SLC35D4: variants seen among roughly 807,000 people sequenced by gnomAD.
The protein encoded by SLC35D4 is solute carrier family 35 member D4.
At chr18:23,248,538 T>TTTTTTTTA in the SLC35D4 span, among the ~76,000 whole-genome samples, 8 of 93,602 alleles carry the variant, frequency 8.5e-5, no homozygotes, top group African/African-American at 2.1e-4. Context: ...TTTTTTTTTT[T>TTTTTTTTA]AAAAAAAGGC....
chr18:23,279,648 A>G, the SLC35D4 span, among the ~76,000 whole-genome samples: 1 of 152,114 alleles, frequency 6.6e-6, no homozygotes, highest in Non-Finnish European at 1.5e-5. Flanking sequence ...GGAAACAGAC[A>G]TCTACAAGGC....
chr18:23,300,871 C>A, the SLC35D4 span, among the ~76,000 whole-genome samples: 2 of 152,358 alleles, frequency 1.3e-5, no homozygotes, highest in African/African-American at 4.8e-5. Flanking sequence ...CTTCTCCAGC[C>A]CTTCTCTTTC....
the SLC35D4 span, among the ~76,000 whole-genome samples, chr18:23,335,608 G>A: frequency 6.6e-6 from 1 of 152,110 alleles, no homozygotes; most frequent in African/African-American, 2.4e-5. Flanking sequence ...AGGAAAATGG[G>A]GCAATGAAGT....
the SLC35D4 span, among the ~76,000 whole-genome samples, chr18:23,279,385 A>G: frequency 3.3e-5 from 5 of 152,222 alleles, no homozygotes; most frequent in African/African-American, 9.7e-5. Flanking sequence ...GGGAAAGGCA[A>G]TCTGTTAGCT....
chr18:23,395,064 A>C, the SLC35D4 span, among the ~76,000 whole-genome samples: 1 of 151,802 alleles, frequency 6.6e-6, no homozygotes, highest in African/African-American at 2.4e-5. Flanking sequence ...AGAAAAATCC[A>C]GGGAGGAGTT....
At chr18:23,405,087 A>C in the SLC35D4 span, among the ~76,000 whole-genome samples, 2 of 150,998 alleles carry the variant, frequency 1.3e-5, no homozygotes, top group Non-Finnish European at 2.9e-5. Flanking sequence ...GGCACCTCCT[A>C]TGAACCAGAA....
chr18:23,246,588 T>C, the SLC35D4 span, among the ~76,000 whole-genome samples: 7 of 151,834 alleles, frequency 4.6e-5, no homozygotes, highest in Non-Finnish European at 1.0e-4. Flanking sequence ...AGATGGGGTT[T>C]CACCGTGTTA....
the SLC35D4 span, among the ~76,000 whole-genome samples, chr18:23,294,766 C>T: frequency 8.6e-5 from 13 of 152,006 alleles, no homozygotes; most frequent in African/African-American, 1.2e-4. Context: ...CTCAAGCAAA[C>T]GAAACAAAAC....
At chr18:23,337,602 G>A in the SLC35D4 span, among the ~76,000 whole-genome samples, 3 of 152,096 alleles carry the variant, frequency 2.0e-5, no homozygotes, top group African/African-American at 7.2e-5. Context: ...TGGTCTTGGA[G>A]ATATTCTAAA....
At chr18:23,309,964 A>G in the SLC35D4 span, among the ~76,000 whole-genome samples, 1 of 152,328 alleles carries the variant, frequency 6.6e-6, no homozygotes, top group South Asian at 2.1e-4. Flanking sequence ...GCTAAGTCTT[A>G]GTCTGTTTTG....
chr18:23,336,438 C>A, the SLC35D4 span, among the ~76,000 whole-genome samples: 1 of 152,184 alleles, frequency 6.6e-6, no homozygotes, highest in East Asian at 1.9e-4. Context: ...AAAAATTATT[C>A]TTATTGCCAT....
the SLC35D4 span, among the ~76,000 whole-genome samples, chr18:23,292,819 T>C: frequency 1.3e-5 from 2 of 152,208 alleles, no homozygotes; most frequent in African/African-American, 2.4e-5. Context: ...AGCACAATGC[T>C]TGGCATGAAA....
the SLC35D4 span, among the ~76,000 whole-genome samples, chr18:23,411,479 GAGATAGAAAGAA>G: frequency 9.6e-5 from 7 of 72,778 alleles, no homozygotes; most frequent in African/African-American, 3.4e-4. Context: ...AAGAAAGAAA[GAGATAGAAAGAA>G]AGAAAGAAAG....
the SLC35D4 span, among the ~76,000 whole-genome samples, chr18:23,364,439 C>A: frequency 6.6e-6 from 1 of 152,258 alleles, no homozygotes; most frequent in Admixed American, 6.5e-5. Flanking sequence ...GGAGCACAAC[C>A]AATATAACTT....
chr18:23,412,555 T>G, the SLC35D4 span, among the ~76,000 whole-genome samples: 1 of 152,172 alleles, frequency 6.6e-6, no homozygotes, highest in Non-Finnish European at 1.5e-5. Context: ...CTTCTCACTT[T>G]CCTTAGACTT....
chr18:23,248,237 G>T, the SLC35D4 span, among the ~76,000 whole-genome samples: 2 of 152,206 alleles, frequency 1.3e-5, no homozygotes, highest in Admixed American at 1.3e-4. Context: ...GATATCGTCA[G>T]TGCCTTTATG....
At chr18:23,333,523 C>G in the SLC35D4 span, among the ~76,000 whole-genome samples, 1 of 152,194 alleles carries the variant, frequency 6.6e-6, no homozygotes, top group Non-Finnish European at 1.5e-5. Context: ...ATGAAGGAAG[C>G]AAAGTGCTCT....
At chr18:23,283,256 G>A in the SLC35D4 span, among the ~76,000 whole-genome samples, 6 of 152,022 alleles carry the variant, frequency 3.9e-5, no homozygotes, top group South Asian at 2.1e-4. Context: ...GGAGGCCAAC[G>A]TGGGAGGATT....
the SLC35D4 span, among the ~76,000 whole-genome samples, chr18:23,288,821 C>G: frequency 6.6e-6 from 1 of 152,112 alleles, no homozygotes; most frequent in East Asian, 1.9e-4. Context: ...TTCAGTGAAA[C>G]CTTTATATCC....
Sources: gnomAD v4.1 joint callset for allele counts (sites outside exome capture counted in the v4.1 genomes callset) on GRCh38, gnomAD v4.1.1 for gene constraint, MANE v1.5 for transcripts, NCBI Gene and HGNC (gene_info 2026-07-23, HGNC 2026-07-21) for gene names.